The following RNF169 variants were observed in gnomAD, a reference collection of about 807,000 sequenced individuals.
The protein encoded by RNF169 is ring finger protein 169, also known as E3 ubiquitin-protein ligase RNF169.
In RNF169, 24 loss-of-function variants were observed where a neutral mutation model predicts 53.9. The observed-to-expected ratio is 0.45, with a 90% confidence interval of 0.32 to 0.63. RNF169 has a LOEUF of 0.63. Ranked by LOEUF, RNF169 falls within the 20% of genes least tolerant of loss-of-function variation. The pLI is 0.04. For missense variants in RNF169, 883 were observed against 906.2 expected (o/e 0.97, Z 0.33); for synonymous variants, 396 against 363.5 (o/e 1.09, Z -1.02).
At chr11:74,757,154 C>G (rs1410257539) in intron 1 of RNF169, among the ~76,000 whole-genome samples, 16 of 107,504 alleles carry the variant, frequency 1.5e-4, no homozygotes, top group African/African-American at 5.4e-4. Context: ...CCCCTCCCCC[C>G]ACCCCACCAC....
At chr11:74,785,232 TATATATATGTTATATATGTTAG>T (rs1565176567) in intron 1 of RNF169, among the ~76,000 whole-genome samples, 2 of 81,540 alleles carry the variant, frequency 2.5e-5, no homozygotes, top group Non-Finnish European at 4.1e-5. Flanking sequence ...TTATATATAT[TATATATATGTTATATATGTTAG>T]ATATATATGT....
intron 2 of RNF169, among the ~76,000 whole-genome samples, chr11:74,793,931 C>T (rs560401723): frequency 6.2e-4 from 95 of 152,238 alleles, no homozygotes; most frequent in Non-Finnish European, 1.2e-3. Context: ...TATATGCTTA[C>T]TTATGCATGC....
In RNF169 at chr11:74,810,250, G is replaced by A; in HGVS notation, c.643G>A (p.Asp215Asn). Residue 215 changes from aspartate (D) to asparagine (N), a missense_variant, in exon 3 of 6, where the codon GAT becomes AAT. Asp to Asn is a conservative substitution (Grantham distance 23, BLOSUM62 1). Coordinates refer to ENST00000299563, the MANE Select transcript of RNF169 (RefSeq NM_001098638.2). ...TCAAATCCACAAGCTGTTACCAGAG[G>A]ATACAGAAACAGGGAAAAGGAAAAT... ...EDQIHKLLPE[D>N]TETGKRKMDE... 6.2e-7 allele frequency: 1 copy of A among 1,613,704 alleles called. No homozygotes were observed. Among genetic ancestry groups the A allele is most frequent in the African/African-American group, 1.3e-5 (1 of 75,028 alleles).
chr11:74,820,254 A>T (rs1198976926), intron 4 of RNF169, among the ~76,000 whole-genome samples: 1 of 152,200 alleles, frequency 6.6e-6, no homozygotes, highest in East Asian at 1.9e-4. Flanking sequence ...GGGAAGAAGT[A>T]GCATTGTGAC....
rs1457085742 is a variant in RNF169 at position 74,759,907 on chromosome 11, C to G, written c.502+10525C>G. Among the ~76,000 whole-genome samples, 3 of 151,812 alleles carry G rather than the reference C, an allele frequency of 2.0e-5. No homozygotes were observed. The East Asian group carries it at 5.8e-4, about 29-fold the overall frequency. ...ATGGTACCAGTTCCTCTTTGTACCTCTGGTAGAATTCGGCTGTGAATCCAT... is the reference window on the plus strand; with the variant it reads ...ATGGTACCAGTTCCTCTTTGTACCTGTGGTAGAATTCGGCTGTGAATCCAT... On this transcript the variant is annotated intron_variant, in intron 1 of 5. Coordinates refer to ENST00000299563, the MANE Select transcript of RNF169 (RefSeq NM_001098638.2).
rs767134360 is a variant in RNF169 at position 74,835,764 on chromosome 11, C to T, written c.1161C>T (p.Cys387=). ...EELNHFKPIV[C]SPCTPPKRLP... is the part of the protein sequence containing the mutation. ...TAAACCATTTCAAGCCCATTGTCTG[C>T]TCACCATGTACTCCTCCCAAGAGAC... The change falls in exon 6 of 6, where the codon TGC becomes TGT. Residue 387 remains cysteine (C), a synonymous_variant. Transcript: ENST00000299563. 14 of 1,614,210 alleles carry T rather than the reference C, an allele frequency of 8.7e-6. No homozygotes were observed. The highest frequency in any genetic ancestry group is 1.1e-5 in the Non-Finnish European group (13 of 1,180,026).
At chr11:74,754,497 TC>T (rs2034949480) in intron 1 of RNF169, among the ~76,000 whole-genome samples, 1 of 152,190 alleles carries the variant, frequency 6.6e-6, no homozygotes, top group Admixed American at 6.5e-5. Flanking sequence ...AATTTTTTTA[TC>T]TTCGTGGTGT....
chr11:74,804,101 GT>G (rs563462508), intron 2 of RNF169, among the ~76,000 whole-genome samples: 1 of 152,152 alleles, frequency 6.6e-6, no homozygotes, highest in Non-Finnish European at 1.5e-5. Flanking sequence ...ATCTGTGTGG[GT>G]TTTTTCTGGA....
At position 74,748,891 on chromosome 11, in the gene RNF169, C is replaced by T. The variant is rs2034834550; in HGVS notation, c.11C>T (p.Ala4Val). MAA[A>V]GPSTRASSAA... ...CAAACGGGAAACAAGATGGCGGCTG[C>T]AGGTCCGAGTACTCGGGCCTCTTCC... Residue 4 changes from alanine to valine, a missense_variant, in exon 1 of 6, where the codon GCA (alanine) becomes GTA (valine). Physicochemically the swap from Ala to Val is moderately conservative, Grantham distance 64. This residue lies in a region of RNF169 where 313 missense variants were observed against 279.9 expected (regional missense o/e 1.12). Transcript: ENST00000299563. The T allele has an allele frequency of 7.0e-7, 1 of 1,426,702 alleles. No homozygotes were observed. The highest frequency in any genetic ancestry group is 1.5e-5 in the African/African-American group (1 of 66,928). The allele number at this position is 1,426,702 out of a possible 1,614,324, so 88.4% of individuals were successfully genotyped here. A position where few individuals can be genotyped will look rare whatever the true frequency, so the allele number is the denominator to read the frequency against.
At chr11:74,765,201 C>G (rs563263571) in intron 1 of RNF169, among the ~76,000 whole-genome samples, 3 of 152,138 alleles carry the variant, frequency 2.0e-5, no homozygotes, top group African/African-American at 4.8e-5. Flanking sequence ...AGAGCGAGAT[C>G]CTGTCTCAAC....
At chr11:74,776,573 A>G (rs1448403331) in intron 1 of RNF169, among the ~76,000 whole-genome samples, 1 of 151,756 alleles carries the variant, frequency 6.6e-6, no homozygotes. Context: ...ATACCTAGAG[A>G]TCATCCCTAA....
At chr11:74,807,509 C>A (rs569584205) in intron 2 of RNF169, among the ~76,000 whole-genome samples, 8 of 152,130 alleles carry the variant, frequency 5.3e-5, no homozygotes, top group Non-Finnish European at 1.0e-4. Flanking sequence ...TAGAGCCTGG[C>A]ATGTCAGTTG....
intron 1 of RNF169, among the ~76,000 whole-genome samples, chr11:74,755,904 C>T (rs79927045): frequency 0.012 from 1,768 of 152,208 alleles, 49 homozygotes; most frequent in African/African-American, 0.04. Context: ...GAATTTTGGA[C>T]TTTATCCTAT....
Position 74,836,363 on chromosome 11 carries a change from T to C in RNF169, c.1760T>C (p.Leu587Pro), listed in dbSNP as rs1291117279. ...LPQNSVLGGV[L>P]KTKQQLKTLN... ...CAAAACAGTGTTTTGGGTGGAGTCC[T>C]CAAAACAAAGCAACAATTGAAGACA... The change falls in exon 6 of 6, where the codon CTC (leucine) becomes CCC (proline). Residue 587 changes from leucine (L) to proline (P), a missense_variant. Physicochemically the swap from Leu to Pro is moderately conservative, Grantham distance 98 (BLOSUM62 -3). Coordinates refer to ENST00000299563, the MANE Select transcript of RNF169 (RefSeq NM_001098638.2). 1.9e-6 allele frequency: 3 copies of C among 1,614,170 alleles called. No homozygotes were observed. Among genetic ancestry groups the C allele is most frequent in the Non-Finnish European group, 2.5e-6 (3 of 1,179,998 alleles).
At chr11:74,799,019 C>T (rs983912035) in intron 2 of RNF169, among the ~76,000 whole-genome samples, 2 of 149,904 alleles carry the variant, frequency 1.3e-5, no homozygotes, top group African/African-American at 2.5e-5. Flanking sequence ...GCATCCCTGC[C>T]CTCCCACCTT....
chr11:74,763,626 A>G (rs1173555979), intron 1 of RNF169, among the ~76,000 whole-genome samples: 1 of 152,224 alleles, frequency 6.6e-6, no homozygotes, highest in Non-Finnish European at 1.5e-5. Flanking sequence ...GGACATAGAC[A>G]TGAGGAAATT....
chr11:74,772,759 A>AT (rs1225310403), intron 1 of RNF169, among the ~76,000 whole-genome samples: 1 of 152,216 alleles, frequency 6.6e-6, no homozygotes, highest in Non-Finnish European at 1.5e-5. Flanking sequence ...GTAAAATCAG[A>AT]TTAATGGGAT....
Position 74,842,389 on chromosome 11 carries a change from AGT to A in RNF169, c.*5660_*5661del, listed in dbSNP as rs1485714462. Reference sequence around the variant, plus strand: ...GAAGCAAGGCCCAAGTTGAGAATACAGTAAAGGAAACTCATGAAAGTGGATGT... The same window carrying A: ...GAAGCAAGGCCCAAGTTGAGAATACAAAAGGAAACTCATGAAAGTGGATGT... On this transcript the variant is annotated 3_prime_UTR_variant, in exon 6 of 6. Coordinates refer to ENST00000299563, the MANE Select transcript of RNF169 (RefSeq NM_001098638.2). 9.9e-5 allele frequency: 15 copies of A among 152,284 alleles called. No homozygotes were observed. Among genetic ancestry groups the A allele is most frequent in the Admixed American group, 9.2e-4 (14 of 15,292 alleles). The allele number at this position is 152,284 out of a possible 1,614,324, so 9.4% of individuals were successfully genotyped here.
At chr11:74,829,636 T>C (rs2036147778) in intron 4 of RNF169, among the ~76,000 whole-genome samples, 1 of 152,188 alleles carries the variant, frequency 6.6e-6, no homozygotes, top group African/African-American at 2.4e-5. Context: ...ATGTGGTACG[T>C]ATACCCCCAT....
Sources: allele counts gnomAD v4.1 joint callset (sites outside exome capture counted in the v4.1 genomes callset), GRCh38; gene constraint gnomAD v4.1.1; regional missense constraint gnomAD v4.1.1; transcripts MANE v1.5; gene names NCBI Gene and HGNC (gene_info 2026-07-23, HGNC 2026-07-21).